FOXP1: variants seen among roughly 807,000 people sequenced by gnomAD.
The protein encoded by FOXP1 is forkhead box P1.
A neutral mutation model predicts 98.2 loss-of-function variants in FOXP1; 15 were observed. The observed-to-expected ratio is 0.15, with a 90% CI of 0.10 to 0.24. The LOEUF is 0.24. FOXP1 is among the 10% of genes least tolerant of loss of function. The pLI is 1.00. For synonymous variants in FOXP1, 371 were observed against 314.5 expected, an observed-to-expected ratio of 1.18 and a Z score of -1.90; for missense variants, 633 against 848.5, an observed-to-expected ratio of 0.75 and a Z score of 3.15.
intron 3 of FOXP1, among the ~76,000 whole-genome samples, chr3:71,397,898 C>T (rs1271299573): frequency 2.6e-5 from 4 of 151,978 alleles, no homozygotes; most frequent in Non-Finnish European, 4.4e-5. Context: ...TAACATTTTA[C>T]AGGGATGCAA....
intron 6 of FOXP1, among the ~76,000 whole-genome samples, chr3:71,149,646 A>G (rs998515139): frequency 2.0e-5 from 3 of 152,218 alleles, no homozygotes; most frequent in African/African-American, 7.2e-5. Flanking sequence ...AAAGACAGAT[A>G]TGGAAGGTAT....
At chr3:71,555,224 T>C (rs1260650461) in intron 2 of FOXP1, among the ~76,000 whole-genome samples, 1 of 152,226 alleles carries the variant, frequency 6.6e-6, no homozygotes, top group East Asian at 1.9e-4. Flanking sequence ...ATAAATTTCA[T>C]GAAAACTAAC....
chr3:71,012,389 A>G (rs953968494), intron 12 of FOXP1, among the ~76,000 whole-genome samples: 6 of 152,232 alleles, frequency 3.9e-5, no homozygotes, highest in Admixed American at 1.3e-4. Context: ...ACAAAACCCA[A>G]TATCACTACT....
chr3:71,340,046 C>T (rs565910712), intron 4 of FOXP1, among the ~76,000 whole-genome samples: 1 of 152,252 alleles, frequency 6.6e-6, no homozygotes, highest in East Asian at 1.9e-4. Flanking sequence ...AGTAAATACC[C>T]TTTTAAACAT....
intron 3 of FOXP1, among the ~76,000 whole-genome samples, chr3:71,417,843 G>A (rs1332584272): frequency 1.3e-5 from 2 of 152,046 alleles, no homozygotes; most frequent in East Asian, 1.9e-4. Context: ...CCGCATAGCC[G>A]ATTCACTTCA....
intron 5 of FOXP1, among the ~76,000 whole-genome samples, chr3:71,254,269 G>A (rs1233963320): frequency 1.3e-5 from 2 of 152,142 alleles, no homozygotes; most frequent in African/African-American, 2.4e-5. Flanking sequence ...ATATTGGGAG[G>A]AGAAAATTCA....
rs576991307 is a variant in FOXP1, at chr3:71,188,670, G to A, written c.180+9532C>T. ...TGACCTCAGGTGATCCGCCCACCTC[G>A]CCCTCCAAAGGGGATTACAGGCGTG... On this transcript the variant is annotated intron_variant, in intron 6 of 20. Coordinates refer to ENST00000649528, the MANE Select transcript of FOXP1 (RefSeq NM_001349338.3). Among the ~76,000 whole-genome samples the A allele has an allele frequency of 3.9e-5, 6 of 152,234 alleles. No homozygotes were observed. In the East Asian group the frequency reaches 7.7e-4, roughly 20 times the overall value.
intron 2 of FOXP1, among the ~76,000 whole-genome samples, chr3:71,546,543 C>A (rs1380091951): frequency 6.6e-6 from 1 of 152,102 alleles, no homozygotes; most frequent in African/African-American, 2.4e-5. Flanking sequence ...GCACAAACAC[C>A]TACCCACCAC....
At chr3:71,284,219 GTTC>G (rs774661128) in intron 5 of FOXP1, among the ~76,000 whole-genome samples, 7 of 152,090 alleles carry the variant, frequency 4.6e-5, no homozygotes, top group Non-Finnish European at 1.0e-4. Flanking sequence ...TTACATAACT[GTTC>G]TTCTACTGAT....
At chr3:71,067,104 A>G (rs890162432) in intron 7 of FOXP1, among the ~76,000 whole-genome samples, 1 of 151,318 alleles carries the variant, frequency 6.6e-6, no homozygotes, top group Non-Finnish European at 1.5e-5. Context: ...TGGTTTGGGT[A>G]AGGGGGAGGT....
chr3:71,040,128 TG>T (rs2048147419), intron 11 of FOXP1: 2 of 151,932 alleles, frequency 1.3e-5, no homozygotes, highest in Non-Finnish European at 2.9e-5. Flanking sequence ...TGTGTGTGTG[TG>T]TGTATCTGTG....
intron 2 of FOXP1, among the ~76,000 whole-genome samples, chr3:71,526,476 A>G (rs1404549146): frequency 6.6e-6 from 1 of 152,248 alleles, no homozygotes; most frequent in Non-Finnish European, 1.5e-5. Flanking sequence ...GCAAGGAATA[A>G]AAACTGGGAC....
At chr3:71,581,215 T>C (rs2048136359) in intron 2 of FOXP1, 1 of 985,098 alleles carries the variant, frequency 1.0e-6, no homozygotes, top group Non-Finnish European at 1.2e-6. Context: ...TTGGATACAA[T>C]GACTTGGAAA....
chr3:71,222,791 T>C lies in FOXP1; in HGVS notation c.-11-24399A>G, dbSNP rs943190542. ...TACTTCACCTTTGCCTACTCATTGA[T>C]GATCACAGATTGGATCCCCAACAAG... On this transcript the variant is annotated intron_variant, in intron 5 of 20. Transcript: ENST00000649528. 4.3e-4 allele frequency among the ~76,000 whole-genome samples: 66 copies of C among 152,328 alleles called. 1 individual carries two copies. Among genetic ancestry groups the C allele is most frequent in the African/African-American group, 1.4e-3 (59 of 41,572 alleles).
intron 4 of FOXP1, among the ~76,000 whole-genome samples, chr3:71,302,105 TCA>T (rs1376751278): frequency 6.6e-6 from 1 of 152,250 alleles, no homozygotes; most frequent in Non-Finnish European, 1.5e-5. Context: ...GATTGGCCAC[TCA>T]TTAATTTATT....
rs1365079951 is a variant in FOXP1, at chr3:71,187,868, A to C, written c.180+10334T>G. Among the ~76,000 whole-genome samples the C allele has an allele frequency of 2.0e-5, 3 of 152,160 alleles. No individual in the cohort carries two copies. The East Asian group carries it at 5.8e-4, about 29-fold the overall frequency. On this transcript the variant is annotated intron_variant, in intron 6 of 20. Transcript: ENST00000649528. ...TATTTATCATACACATTAGGACTAA[A>C]AATAGTCAGGAAAGAAAGAGCATTA...
intron 2 of FOXP1, chr3:71,580,845 T>C: frequency 3.0e-6 from 3 of 985,434 alleles, no homozygotes; most frequent in Non-Finnish European, 3.6e-6. Flanking sequence ...ACGGTTTGAA[T>C]GTACAGATGC....
At chr3:71,277,501 C>T (rs146642472) in intron 5 of FOXP1, among the ~76,000 whole-genome samples, 1 of 152,246 alleles carries the variant, frequency 6.6e-6, no homozygotes, top group Non-Finnish European at 1.5e-5. Flanking sequence ...TGCCTGTCCA[C>T]TATCGACACC....
intron 5 of FOXP1, among the ~76,000 whole-genome samples, chr3:71,286,558 A>T (rs564748435): frequency 6.6e-6 from 1 of 152,210 alleles, no homozygotes; most frequent in Non-Finnish European, 1.5e-5. Flanking sequence ...TGCTGGGACA[A>T]GAGAATGACT....
Sources: allele counts gnomAD v4.1 joint callset (sites outside exome capture counted in the v4.1 genomes callset), GRCh38; gene constraint gnomAD v4.1.1; transcripts MANE v1.5; gene names NCBI Gene and HGNC (gene_info 2026-07-23, HGNC 2026-07-21).